HAUS8: variants seen among roughly 807,000 people sequenced by gnomAD.
HAUS8 encodes the protein HAUS augmin-like complex subunit 8.
Under a neutral mutation model 42.9 loss-of-function variants are expected in HAUS8, and 38 were observed. The ratio of observed to expected loss-of-function variants is 0.89; its 90% confidence interval spans 0.68 to 1.16. The LOEUF (loss-of-function observed/expected upper bound fraction) is 1.16. Among genes scored for constraint, HAUS8 ranks in the 50% most tolerant of loss-of-function variants. HAUS8 has a pLI of 0.00. For missense variants in HAUS8, 494 were observed against 511.6 expected (o/e 0.97, Z 0.33); for synonymous variants, 199 against 205.8 (o/e 0.97, Z 0.28).
intron 5 of HAUS8, 48 bp from the exon 6 acceptor site, chr19:17,059,699 G>A (rs1237949957): frequency 8.3e-6 from 11 of 1,333,298 alleles, no homozygotes; most frequent in Non-Finnish European, 1.1e-5. Context: ...TATATAGACT[G>A]GTCCCTGGTT....
chr19:17,055,339 C>CAAAAAAA (rs11315045), intron 9 of HAUS8, among the ~76,000 whole-genome samples: 1 of 49,494 alleles, frequency 2.0e-5, no homozygotes, highest in African/African-American at 9.2e-5. Flanking sequence ...GATGCTGTCT[C>CAAAAAAA]AAAAAAAAAA....
Position 17,050,196 on chromosome 19 carries a change from G to A in HAUS8, c.930-20C>T. The A allele has an allele frequency of 1.4e-6, 2 of 1,467,742 alleles. No individual in the cohort carries two copies. The highest frequency in any genetic ancestry group is 1.8e-6 in the Non-Finnish European group (2 of 1,108,444). The allele number at this position is 1,467,742 out of a possible 1,614,324, so 90.9% of individuals were successfully genotyped here. On this transcript the variant is annotated intron_variant, in intron 10 of 10. Transcript: ENST00000253669. ...AAGCTCCTGTTGAGGATGGGAGAAA[G>A]AATAACGGCTTTCACCCTCTGAGGT...
chr19:17,075,524 G>C (rs1208626863), upstream of HAUS8: 2 of 1,307,404 alleles, frequency 1.5e-6, no homozygotes, highest in Non-Finnish European at 2.2e-6. Flanking sequence ...AGGAGGGGTG[G>C]CTGCGAGGCG....
intron 2 of HAUS8, among the ~76,000 whole-genome samples, chr19:17,071,967 CAG>C (rs1173207873): frequency 6.6e-6 from 1 of 152,078 alleles, no homozygotes; most frequent in African/African-American, 2.4e-5. Flanking sequence ...GCCTGGGTGA[CAG>C]AGCGAGACTC....
chr19:17,050,934 C>G (rs745705824), intron 10 of HAUS8, among the ~76,000 whole-genome samples: 2 of 151,940 alleles, frequency 1.3e-5, no homozygotes, highest in African/African-American at 2.4e-5. Flanking sequence ...GTGGTGCACG[C>G]CTGTAGTCCC....
intron 1 of HAUS8, chr19:17,074,588 T>C (rs1443827851): frequency 6.6e-6 from 1 of 152,426 alleles, no homozygotes; most frequent in Non-Finnish European, 1.5e-5. Context: ...GGGACTGTGC[T>C]AGGGCTGTGG....
chr19:17,052,048 G>A (rs2057290508), intron 10 of HAUS8: 1 of 152,172 alleles, frequency 6.6e-6, no homozygotes, highest in Non-Finnish European at 1.5e-5. Context: ...GCTGAGGCAG[G>A]AGAATTGCTT....
At chr19:17,071,918 G>A (rs777482707) in intron 2 of HAUS8, among the ~76,000 whole-genome samples, 8 of 151,974 alleles carry the variant, frequency 5.3e-5, no homozygotes, top group Non-Finnish European at 8.8e-5. Context: ...CCTGGGAGGC[G>A]GGAGCTACAG....
rs531620300 is a variant in HAUS8, at chr19:17,054,490, AC to A, written c.787+1370del. Among the ~76,000 whole-genome samples, 9 of 125,994 alleles carry A rather than the reference AC, an allele frequency of 7.1e-5. No individual in the cohort carries two copies. The South Asian group carries it at 2.5e-3, about 35-fold the overall frequency. The allele number at this position is 125,994 out of a possible 152,430, so 82.7% of individuals were successfully genotyped here. A position where few individuals can be genotyped will look rare whatever the true frequency, so the allele number is the denominator to read the frequency against. On this transcript the variant is annotated intron_variant, in intron 9 of 10. Transcript: ENST00000253669. ...GGCAACATAGCCACACCTCGTCTCT[AC>A]AAAAAAAAATATAATAATTAGCCAG... is the stretch of plus-strand genomic sequence containing the variant.
chr19:17,063,453 A>G (rs1283078670), intron 3 of HAUS8, among the ~76,000 whole-genome samples: 1 of 152,262 alleles, frequency 6.6e-6, no homozygotes, highest in Non-Finnish European at 1.5e-5. Flanking sequence ...AAGGAAAAGT[A>G]AAACTCTGTT....
chr19:17,070,830 G>A (rs1373191903), intron 2 of HAUS8, among the ~76,000 whole-genome samples: 1 of 152,234 alleles, frequency 6.6e-6, no homozygotes, highest in Non-Finnish European at 1.5e-5. Flanking sequence ...AGCACTTTGG[G>A]AGGCCAAGGC....
In HAUS8 at chr19:17,049,937, A is replaced by G; in HGVS notation, c.1169T>C (p.Phe390Ser). 1 of 1,545,888 alleles carries G rather than the reference A, an allele frequency of 6.5e-7. No homozygotes were observed. The highest frequency in any genetic ancestry group is 8.7e-7 in the Non-Finnish European group (1 of 1,144,122). The change falls in exon 11 of 11, where the codon TTT (phenylalanine) becomes TCT (serine). Residue 390 changes from phenylalanine to serine, a missense_variant. By Grantham distance (155) the Phe-to-Ser change is radical (BLOSUM62 -2). Coordinates refer to ENST00000253669, the MANE Select transcript of HAUS8 (RefSeq NM_033417.2). ...GACTTCTGCCTGGCTGCTTGAAGAA[A>G]AATCTTCGCTTGGGCTGATGAACGT... ...QATFISPSEDFSSSSQAEVPP... is the reference protein window; with the variant it reads ...QATFISPSEDSSSSSQAEVPP...
chr19:17,055,305 A>G, intron 9 of HAUS8, among the ~76,000 whole-genome samples: 1 of 119,886 alleles, frequency 8.3e-6, no homozygotes, highest in Non-Finnish European at 1.6e-5. Flanking sequence ...GTGCCACTGC[A>G]CTCCAGCCTG....
At chr19:17,074,211 G>A (rs1353397230) in intron 1 of HAUS8, 2 of 152,736 alleles carry the variant, frequency 1.3e-5, no homozygotes, top group East Asian at 1.9e-4. Flanking sequence ...AACACAGGAG[G>A]GGCAAGTGGA....
intron 3 of HAUS8, among the ~76,000 whole-genome samples, chr19:17,067,145 C>A (rs1253514212): frequency 6.8e-6 from 1 of 146,882 alleles, no homozygotes; most frequent in Non-Finnish European, 1.5e-5. Context: ...GCGGAGGTTG[C>A]AGTGAGCCGA....
At chr19:17,075,489 C>T (rs572551678), upstream of HAUS8, 13 of 1,574,794 alleles carry the variant, frequency 8.3e-6, no homozygotes, top group South Asian at 5.5e-5. Flanking sequence ...CCCTTGCTTG[C>T]GGGTCGGACC....
At chr19:17,063,764 C>T (rs1208633958) in intron 3 of HAUS8, among the ~76,000 whole-genome samples, 2 of 152,172 alleles carry the variant, frequency 1.3e-5, no homozygotes, top group African/African-American at 2.4e-5. Flanking sequence ...TTGCTTCCTG[C>T]TTGCCTGGTT....
At chr19:17,070,348 T>A (rs542250839) in intron 2 of HAUS8, among the ~76,000 whole-genome samples, 2 of 152,260 alleles carry the variant, frequency 1.3e-5, no homozygotes, top group East Asian at 1.9e-4. Flanking sequence ...AAACCTTCCA[T>A]CAGCCTCCAA....
At chr19:17,062,264 T>G (rs1295384915) in intron 4 of HAUS8, among the ~76,000 whole-genome samples, 2 of 152,190 alleles carry the variant, frequency 1.3e-5, no homozygotes, top group African/African-American at 4.8e-5. Context: ...CCCAAGTAGC[T>G]GGGATTATAG....
Sources: gnomAD v4.1 joint callset for allele counts (sites outside exome capture counted in the v4.1 genomes callset) on GRCh38, gnomAD v4.1.1 for gene constraint, MANE v1.5 for transcripts, NCBI Gene and HGNC (gene_info 2026-07-23, HGNC 2026-07-21) for gene names.